The following PIP5K1B variants were observed in gnomAD, a reference collection of about 807,000 sequenced individuals.
The protein encoded by PIP5K1B is phosphatidylinositol 4-phosphate 5-kinase type-1 beta.
A neutral mutation model predicts 67.0 loss-of-function variants in PIP5K1B; 42 were observed. That is an observed-to-expected ratio of 0.63 (90% CI 0.49 to 0.81). PIP5K1B has a LOEUF of 0.81. Among genes scored for constraint, PIP5K1B ranks in the 30% least tolerant of loss-of-function variants. PIP5K1B has a pLI of 0.00. For synonymous variants in PIP5K1B, 214 were observed against 231.4 expected, an observed-to-expected ratio of 0.92 and a Z score of 0.68; for missense variants, 459 against 646.3, an observed-to-expected ratio of 0.71 and a Z score of 3.14.
chr9:68,966,581 G>C (rs1218470994), intron 14 of PIP5K1B: 3 of 152,146 alleles, frequency 2.0e-5, no homozygotes, highest in African/African-American at 7.2e-5. Flanking sequence ...AACTGTCAAG[G>C]TCATCAAAAA....
At chr9:68,954,119 G>C (rs753200013) in intron 14 of PIP5K1B, among the ~76,000 whole-genome samples, 5 of 152,126 alleles carry the variant, frequency 3.3e-5, no homozygotes, top group Non-Finnish European at 7.3e-5. Context: ...TCTTCTGTTG[G>C]AATGGGGAGA....
chr9:68,830,716 T>C (rs145842612), intron 4 of PIP5K1B, among the ~76,000 whole-genome samples: 1 of 152,108 alleles, frequency 6.6e-6, no homozygotes, highest in Non-Finnish European at 1.5e-5. Context: ...TGTTGTTGAG[T>C]TTGGTGTGAA....
rs1162536059 is a variant in PIP5K1B, at chr9:68,936,705, T to C, written c.1357+1660T>C. Among the ~76,000 whole-genome samples, 9 of 152,250 alleles carry C rather than the reference T, an allele frequency of 5.9e-5. No individual in the cohort carries two copies. In the South Asian group the frequency reaches 1.9e-3, roughly 32 times the overall value. ...TAAACCAACTTTTACCTGGAGTTAA[T>C]GATTTCAGCAAGAGAGTTACAGAGG... On this transcript the variant is annotated intron_variant, in intron 13 of 15. Transcript: ENST00000265382.
intron 4 of PIP5K1B, among the ~76,000 whole-genome samples, chr9:68,848,599 A>G (rs1211952479): frequency 2.0e-5 from 3 of 152,252 alleles, no homozygotes; most frequent in Admixed American, 1.3e-4. Flanking sequence ...GAAAAAGGCT[A>G]GAGAAGTGTA....
At chr9:68,965,521 G>A (rs1039207550) in intron 14 of PIP5K1B, 4 of 152,176 alleles carry the variant, frequency 2.6e-5, no homozygotes, top group African/African-American at 7.2e-5. Flanking sequence ...AATGAACAAT[G>A]ATATAAATGT....
rs558810934 is a variant in PIP5K1B, at chr9:68,735,316, C to CTTTTTTTTTTTTTTTTTTTTTTTTTT, written c.-242-7182_-242-7157dup. 5.0e-4 allele frequency among the ~76,000 whole-genome samples: 15 copies of CTTTTTTTTTTTTTTTTTTTTTTTTTT among 29,806 alleles called. 4 individuals carry two copies. Among genetic ancestry groups the CTTTTTTTTTTTTTTTTTTTTTTTTTT allele is most frequent in the East Asian group, 1.8e-3 (2 of 1,086 alleles). The allele number at this position is 29,806 out of a possible 152,430, so 19.6% of individuals were successfully genotyped here. A position where few individuals can be genotyped will look rare whatever the true frequency, so the allele number is the denominator to read the frequency against. On this transcript the variant is annotated intron_variant, in intron 1 of 15. Coordinates refer to ENST00000265382, the MANE Select transcript of PIP5K1B (RefSeq NM_003558.4). The stretch of plus-strand genomic sequence containing the variant: ...CAGATTTGCTGTTTTCCCCTAGTGT[C>CTTTTTTTTTTTTTTTTTTTTTTTTTT]TTTTTTTTTTTTTTTTTTTTTTTTT...
intron 8 of PIP5K1B, among the ~76,000 whole-genome samples, chr9:68,900,195 C>A (rs1825292206): frequency 6.6e-6 from 1 of 152,108 alleles, no homozygotes; most frequent in Non-Finnish European, 1.5e-5. Context: ...GATTCTATGT[C>A]TTTGCTATTG....
intron 4 of PIP5K1B, chr9:68,824,031 G>C: frequency 2.0e-6 from 1 of 510,272 alleles, no homozygotes; most frequent in Non-Finnish European, 3.9e-6. Flanking sequence ...CAGAAGTGCC[G>C]CAGTATATTT....
chr9:68,848,647 T>G (rs892575928), intron 4 of PIP5K1B, among the ~76,000 whole-genome samples: 5 of 152,288 alleles, frequency 3.3e-5, no homozygotes, highest in Middle Eastern at 3.4e-3. Flanking sequence ...AGAACCTTAT[T>G]TGGTAGATGA....
At chr9:68,997,923 T>G (rs1442551300) in intron 15 of PIP5K1B, among the ~76,000 whole-genome samples, 1 of 151,796 alleles carries the variant, frequency 6.6e-6, no homozygotes, top group Non-Finnish European at 1.5e-5. Context: ...TCAATTAGGC[T>G]CAGAGTTAGC....
At chr9:68,788,016 G>A (rs1341507024) in intron 2 of PIP5K1B, among the ~76,000 whole-genome samples, 1 of 152,184 alleles carries the variant, frequency 6.6e-6, no homozygotes, top group Non-Finnish European at 1.5e-5. Context: ...AGCAACAAAT[G>A]TTGGTCTTTT....
intron 1 of PIP5K1B, among the ~76,000 whole-genome samples, chr9:68,707,144 G>A (rs538788488): frequency 2.0e-5 from 3 of 152,194 alleles, no homozygotes; most frequent in South Asian, 2.1e-4. Context: ...TGGTCCTGTG[G>A]GCAGAGACTT....
intron 14 of PIP5K1B, among the ~76,000 whole-genome samples, chr9:68,946,021 G>A (rs1364547543): frequency 1.3e-5 from 2 of 152,158 alleles, no homozygotes; most frequent in Non-Finnish European, 2.9e-5. Context: ...ATTTCCTCAA[G>A]TTGTTATTTC....
chr9:68,989,050 G>A (rs896942237), intron 14 of PIP5K1B, among the ~76,000 whole-genome samples: 10 of 121,698 alleles, frequency 8.2e-5, no homozygotes, highest in African/African-American at 3.1e-4. Flanking sequence ...AGCGAAGACC[G>A]TGCCATTGCA....
intron 14 of PIP5K1B, among the ~76,000 whole-genome samples, chr9:68,982,193 G>A (rs766209924): frequency 1.3e-5 from 2 of 152,122 alleles, no homozygotes; most frequent in African/African-American, 2.4e-5. Context: ...TCTGAGAAAT[G>A]GTGGGCACTC....
intron 1 of PIP5K1B, among the ~76,000 whole-genome samples, chr9:68,735,414 T>C (rs1828690022): frequency 1.3e-5 from 2 of 148,246 alleles, no homozygotes; most frequent in African/African-American, 4.9e-5. Context: ...TTGTCATGTC[T>C]ACTTAGGCTC....
chr9:68,837,522 A>G (rs866650713), intron 4 of PIP5K1B, among the ~76,000 whole-genome samples: 35 of 151,810 alleles, frequency 2.3e-4, no homozygotes, highest in African/African-American at 7.5e-4. Flanking sequence ...TCTGATTTGT[A>G]AGCACTAATA....
chr9:68,763,464 A>G (rs892724617), intron 2 of PIP5K1B, among the ~76,000 whole-genome samples: 2 of 152,112 alleles, frequency 1.3e-5, no homozygotes, highest in Non-Finnish European at 2.9e-5. Context: ...AAAGCACTCA[A>G]CGAATGTCAG....
chr9:68,750,346 CTT>C (rs1587386022), intron 2 of PIP5K1B, among the ~76,000 whole-genome samples: 1 of 152,228 alleles, frequency 6.6e-6, no homozygotes, highest in Non-Finnish European at 1.5e-5. Flanking sequence ...TCACTGAACT[CTT>C]TATATAATTC....
Sources: allele counts gnomAD v4.1 joint callset (sites outside exome capture counted in the v4.1 genomes callset), GRCh38; gene constraint gnomAD v4.1.1; transcripts MANE v1.5; gene names NCBI Gene and HGNC (gene_info 2026-07-23, HGNC 2026-07-21).